The following EPHB1 variants were observed in gnomAD, a reference collection of about 807,000 sequenced individuals.
EPHB1 encodes the protein ephrin type-B receptor 1.
In EPHB1, 30 loss-of-function variants were observed where a neutral mutation model predicts 94.4. That is an observed-to-expected ratio of 0.32 (90% CI 0.24 to 0.43). The LOEUF is 0.43. EPHB1 is among the 20% of genes least tolerant of loss of function. EPHB1 has a pLI of 1.00. For synonymous variants in EPHB1, 522 were observed against 489.1 expected (o/e 1.07, Z -0.89); for missense variants, 1,055 against 1,308.3 (o/e 0.81, Z 2.99).
chr3:134,952,179 G>T (rs1042858066), intron 3 of EPHB1, 127 bp downstream of exon 3: 152 of 999,932 alleles, frequency 1.5e-4, no homozygotes, highest in Non-Finnish European at 2.1e-4. Flanking sequence ...AAGCTCTGAG[G>T]ACTCCCATTC....
intron 5 of EPHB1, among the ~76,000 whole-genome samples, chr3:135,143,258 A>C (rs1307158973): frequency 6.6e-6 from 1 of 152,118 alleles, no homozygotes; most frequent in Non-Finnish European, 1.5e-5. Context: ...AAAGGGGCTA[A>C]AGAGTGGGCA....
chr3:135,233,632 C>T (rs902552391), intron 12 of EPHB1, among the ~76,000 whole-genome samples: 2 of 152,252 alleles, frequency 1.3e-5, no homozygotes, highest in Non-Finnish European at 2.9e-5. Flanking sequence ...AATGGGGACT[C>T]TGTGTGGGGC....
At chr3:134,914,455 A>C (rs1382200846) in intron 1 of EPHB1, among the ~76,000 whole-genome samples, 3 of 152,238 alleles carry the variant, frequency 2.0e-5, no homozygotes, top group African/African-American at 7.2e-5. Flanking sequence ...TCTCACAACC[A>C]GACAGCAATA....
rs1027055515 is a variant in EPHB1, at chr3:134,849,803, G to A, written c.58+54114G>A. 3.9e-5 allele frequency among the ~76,000 whole-genome samples: 6 copies of A among 152,174 alleles called. No individual in the cohort carries two copies. The East Asian group carries it at 5.8e-4, about 15-fold the overall frequency. On this transcript the variant is annotated intron_variant, in intron 1 of 15. Coordinates refer to ENST00000398015, the MANE Select transcript of EPHB1 (RefSeq NM_004441.5). ...GCCACCCCAGAAAGACCTGTGGGTC[G>A]GGGTCTGTTACCCCGTTCTTAGAAT...
intron 1 of EPHB1, among the ~76,000 whole-genome samples, chr3:134,850,881 C>T (rs1171602516): frequency 6.6e-6 from 1 of 152,248 alleles, no homozygotes; most frequent in South Asian, 2.1e-4. Flanking sequence ...ATCATTCTAA[C>T]CTGTTGGTGC....
chr3:135,254,610 GT>G (rs1933285700), intron 15 of EPHB1, among the ~76,000 whole-genome samples: 1 of 152,148 alleles, frequency 6.6e-6, no homozygotes, highest in African/African-American at 2.4e-5. Flanking sequence ...GCTGGATTCG[GT>G]TTGCCAGTAT....
intron 1 of EPHB1, among the ~76,000 whole-genome samples, chr3:134,843,148 G>C (rs1362917110): frequency 6.6e-6 from 1 of 152,064 alleles, no homozygotes; most frequent in Non-Finnish European, 1.5e-5. Context: ...ATTTTTATAG[G>C]ATAGTTTCAC....
intron 1 of EPHB1, among the ~76,000 whole-genome samples, chr3:134,924,373 A>G (rs2038747364): frequency 1.3e-5 from 2 of 152,256 alleles, no homozygotes; most frequent in South Asian, 4.1e-4. Context: ...TTCAGAATAT[A>G]TAAAGACCTC....
At chr3:135,103,117 A>G (rs1939091197) in intron 3 of EPHB1, among the ~76,000 whole-genome samples, 1 of 152,146 alleles carries the variant, frequency 6.6e-6, no homozygotes, top group East Asian at 1.9e-4. Flanking sequence ...CGTTCTGCAC[A>G]TGTATCCCAC....
At chr3:134,837,430 A>T (rs2036692253) in intron 1 of EPHB1, among the ~76,000 whole-genome samples, 1 of 152,214 alleles carries the variant, frequency 6.6e-6, no homozygotes, top group East Asian at 1.9e-4. Flanking sequence ...GTTCACATGG[A>T]TGCAGAATTT....
chr3:135,006,070 C>A (rs142743241), intron 3 of EPHB1, among the ~76,000 whole-genome samples: 118 of 152,330 alleles, frequency 7.7e-4, no homozygotes, highest in African/African-American at 2.6e-3. Context: ...CCTTGCTTCC[C>A]CTTCACCTTC....
Position 135,179,881 on chromosome 3 carries a change from A to G in EPHB1, c.1781A>G (p.Tyr594Cys). The change falls in exon 10 of 16, where the codon TAC (tyrosine) becomes TGC (cysteine). Residue 594 changes from tyrosine to cysteine, a missense_variant. By Grantham distance (194) the Tyr-to-Cys change is radical (BLOSUM62 -2). Transcript: ENST00000398015. ...CAAGGCTCCCCAGGGATGAAGATCT[A>G]CATTGACCCCTTCACTTACGAGGAT... ...TGRGSPGMKIYIDPFTYEDPN... is the reference protein window; with the variant it reads ...TGRGSPGMKICIDPFTYEDPN... The G allele has an allele frequency of 6.2e-7, 1 of 1,613,956 alleles. No individual in the cohort carries two copies. The highest frequency in any genetic ancestry group is 8.5e-7 in the Non-Finnish European group (1 of 1,179,842).
At chr3:134,864,559 C>T (rs2037333199) in intron 1 of EPHB1, among the ~76,000 whole-genome samples, 1 of 152,210 alleles carries the variant, frequency 6.6e-6, no homozygotes, top group South Asian at 2.1e-4. Flanking sequence ...TATTTCTCTA[C>T]TAAGCCACAG....
intron 1 of EPHB1, among the ~76,000 whole-genome samples, chr3:134,916,901 C>T (rs2038586009): frequency 6.6e-6 from 1 of 152,234 alleles, no homozygotes; most frequent in South Asian, 2.1e-4. Context: ...GCTGCGAGGG[C>T]TGCCAGCACA....
intron 10 of EPHB1, among the ~76,000 whole-genome samples, chr3:135,185,909 C>T (rs1256787428): frequency 6.6e-6 from 1 of 152,164 alleles, no homozygotes; most frequent in Non-Finnish European, 1.5e-5. Context: ...TATTGTGATG[C>T]TACAAAGACT....
intron 1 of EPHB1, among the ~76,000 whole-genome samples, chr3:134,923,590 C>T (rs187975731): frequency 2.0e-5 from 3 of 152,324 alleles, no homozygotes; most frequent in South Asian, 4.1e-4. Flanking sequence ...GTGTCCTGGA[C>T]AGGCTCTCAG....
At chr3:134,929,186 T>A (rs2038856267) in intron 2 of EPHB1, among the ~76,000 whole-genome samples, 1 of 151,860 alleles carries the variant, frequency 6.6e-6, no homozygotes, top group African/African-American at 2.4e-5. Context: ...AAGACAGAGA[T>A]AAAGGCACCT....
chr3:135,227,577 A>C, intron 12 of EPHB1, among the ~76,000 whole-genome samples: 1 of 152,134 alleles, frequency 6.6e-6, no homozygotes, highest in East Asian at 1.9e-4. Flanking sequence ...TTTGGAGACA[A>C]GCTCTTTTTA....
chr3:135,022,741 T>C (rs78607540), intron 3 of EPHB1, among the ~76,000 whole-genome samples: 14,233 of 152,276 alleles, frequency 0.093, 901 homozygotes, highest in Non-Finnish European at 0.13. Flanking sequence ...ATTTATTTTC[T>C]CTCATTCTCA....
Sources: gnomAD v4.1 joint callset for allele counts (sites outside exome capture counted in the v4.1 genomes callset) on GRCh38, gnomAD v4.1.1 for gene constraint, MANE v1.5 for transcripts, NCBI Gene and HGNC (gene_info 2026-07-23, HGNC 2026-07-21) for gene names.